AKR1E2: variants seen among roughly 807,000 people sequenced by gnomAD.
The protein encoded by AKR1E2 is 1,5-anhydro-D-fructose reductase.
Under a neutral mutation model 41.9 loss-of-function variants are expected in AKR1E2, and 43 were observed. The ratio of observed to expected loss-of-function variants is 1.03; its 90% CI spans 0.80 to 1.32. AKR1E2 has a LOEUF of 1.32. AKR1E2 is among the 40% of genes most tolerant of loss of function. The pLI is 0.00. For missense variants in AKR1E2, 423 were observed against 396.5 expected, an observed-to-expected ratio of 1.07 and a Z score of -0.57; for synonymous variants, 121 against 138.9, an observed-to-expected ratio of 0.87 and a Z score of 0.91.
the AKR1E2 span, among the ~76,000 whole-genome samples, chr10:4,856,554 A>C: frequency 4.6e-3 from 700 of 152,350 alleles, 4 homozygotes; most frequent in Non-Finnish European, 7.7e-3. Flanking sequence ...TGCAACAGTG[A>C]CAGTTGACTT....
the AKR1E2 span, among the ~76,000 whole-genome samples, chr10:4,861,556 A>G: frequency 6.6e-6 from 1 of 151,938 alleles, no homozygotes; most frequent in Admixed American, 6.6e-5. Flanking sequence ...TTTATTAGCG[A>G]TGGGGTCTCA....
chr10:4,845,210 G>C (rs1834235889), intron 8 of AKR1E2, among the ~76,000 whole-genome samples: 1 of 152,076 alleles, frequency 6.6e-6, no homozygotes, highest in African/African-American at 2.4e-5. Context: ...GCCGCTCCGA[G>C]TGCCGGGCCC....
At chr10:4,855,124 GTCTT>G in the AKR1E2 span, among the ~76,000 whole-genome samples, 1 of 152,134 alleles carries the variant, frequency 6.6e-6, no homozygotes, top group Non-Finnish European at 1.5e-5. Context: ...CTTTGGGTGG[GTCTT>G]TCTCTGTCCT....
At chr10:4,842,186 G>A (rs369523892) in intron 7 of AKR1E2, among the ~76,000 whole-genome samples, 1 of 152,056 alleles carries the variant, frequency 6.6e-6, no homozygotes, top group African/African-American at 2.4e-5. Flanking sequence ...ATGTCCAGTG[G>A]GGGGCTGGGC....
chr10:4,854,552 C>T, the AKR1E2 span, among the ~76,000 whole-genome samples: 1 of 152,092 alleles, frequency 6.6e-6, no homozygotes, highest in East Asian at 1.9e-4. Context: ...GTGAGGAACC[C>T]CCCGCCCCGA....
At chr10:4,864,188 T>A in the AKR1E2 span, among the ~76,000 whole-genome samples, 1 of 152,162 alleles carries the variant, frequency 6.6e-6, no homozygotes, top group East Asian at 1.9e-4. Flanking sequence ...ATATCCCTGA[T>A]GAAATTGACG....
chr10:4,833,253 A>G, intron 2 of AKR1E2, 97 bp from the exon 3 acceptor site: 4 of 913,238 alleles, frequency 4.4e-6, no homozygotes, highest in Non-Finnish European at 7.2e-6. Context: ...CATCTTGGCT[A>G]TTTTGGGTTC....
intron 7 of AKR1E2, 22 bp downstream of exon 7, chr10:4,841,879 G>C (rs1438905686): frequency 6.2e-7 from 1 of 1,608,530 alleles, no homozygotes; most frequent in African/African-American, 1.3e-5. Flanking sequence ...GGGCTGTTCT[G>C]AGCCAGGTGG....
chr10:4,847,524 A>G lies in AKR1E2; in HGVS notation c.957A>G (p.Glu319=). 6.2e-7 allele frequency: 1 copy of G among 1,613,522 alleles called. No individual in the cohort carries two copies. Among genetic ancestry groups the G allele is most frequent in the Non-Finnish European group, 8.5e-7 (1 of 1,179,732 alleles). The stretch of plus-strand genomic sequence containing the variant: ...ACAAAGACTATCCTTTCCACATAGA[A>G]TACTGAGGACGCTTCCCCTTCCTTG... ...KNHKDYPFHI[E]Y The change falls in exon 10 of 10, where the codon GAA becomes GAG. Residue 319 remains glutamate, a synonymous_variant. Transcript: ENST00000298375.
chr10:4,847,546 C>A lies in AKR1E2; in HGVS notation c.*16C>A, dbSNP rs1422245761. 1.2e-6 allele frequency: 2 copies of A among 1,613,234 alleles called. No homozygotes were observed. The highest frequency in any genetic ancestry group is 2.2e-5 in the South Asian group (2 of 90,916). ...AGAATACTGAGGACGCTTCCCCTTCCTTGTTTCTGCTCAGCCCAGATGCAC... is the reference window on the plus strand; with the variant it reads ...AGAATACTGAGGACGCTTCCCCTTCATTGTTTCTGCTCAGCCCAGATGCAC... On this transcript the variant is annotated 3_prime_UTR_variant, in exon 10 of 10. Coordinates refer to ENST00000298375, the MANE Select transcript of AKR1E2 (RefSeq NM_001040177.3).
At chr10:4,869,277 A>G in the AKR1E2 span, among the ~76,000 whole-genome samples, 1 of 151,976 alleles carries the variant, frequency 6.6e-6, no homozygotes, top group Non-Finnish European at 1.5e-5. Context: ...TTTTCAGGGG[A>G]ATTGGTCCAT....
At chr10:4,870,078 G>A in the AKR1E2 span, among the ~76,000 whole-genome samples, 1 of 151,918 alleles carries the variant, frequency 6.6e-6, no homozygotes, top group Non-Finnish European at 1.5e-5. Flanking sequence ...TTAATACATA[G>A]CATTTTTTGG....
chr10:4,866,561 C>T, the AKR1E2 span, among the ~76,000 whole-genome samples: 484 of 151,984 alleles, frequency 3.2e-3, 2 homozygotes, highest in Non-Finnish European at 5.8e-3. Flanking sequence ...CACGCAGAGC[C>T]AGCTGTGCAG....
chr10:4,845,313 G>T (rs557501864), intron 8 of AKR1E2, among the ~76,000 whole-genome samples: 11 of 152,306 alleles, frequency 7.2e-5, no homozygotes, highest in African/African-American at 2.4e-4. Flanking sequence ...ACACCTCCCC[G>T]CAAGCTGAGG....
At chr10:4,845,104 C>T (rs117185011) in intron 8 of AKR1E2, among the ~76,000 whole-genome samples, 5,296 of 152,242 alleles carry the variant, frequency 0.035, 145 homozygotes, top group East Asian at 0.11. Flanking sequence ...AGCGCAGCGC[C>T]GGTGGGCCAG....
At chr10:4,825,508 A>C (rs963291561), upstream of AKR1E2, among the ~76,000 whole-genome samples, 1 of 151,984 alleles carries the variant, frequency 6.6e-6, no homozygotes, top group African/African-American at 2.4e-5. Flanking sequence ...GCAAGCAAGG[A>C]CGCTCCCCTC....
intron 1 of AKR1E2, among the ~76,000 whole-genome samples, chr10:4,830,471 CA>C (rs1318486598): frequency 1.3e-5 from 2 of 151,794 alleles, no homozygotes; most frequent in East Asian, 1.9e-4. Flanking sequence ...TTTTTTTTCC[CA>C]AAATATGTAA....
At chr10:4,846,136 C>G in intron 8 of AKR1E2, 1 of 295,374 alleles carries the variant, frequency 3.4e-6, no homozygotes, top group South Asian at 3.0e-5. Context: ...CCCAGCACTC[C>G]CCACTACCTC....
At chr10:4,860,991 C>CTT in the AKR1E2 span, among the ~76,000 whole-genome samples, 51 of 152,182 alleles carry the variant, frequency 3.4e-4, no homozygotes, top group African/African-American at 1.1e-3. Context: ...TCTCAGTCCC[C>CTT]TTTGCCATTT....
Sources: allele counts gnomAD v4.1 joint callset (sites outside exome capture counted in the v4.1 genomes callset), GRCh38; gene constraint gnomAD v4.1.1; transcripts MANE v1.5; gene names NCBI Gene and HGNC (gene_info 2026-07-23, HGNC 2026-07-21).